The following PCDHA12 variants were observed in gnomAD, a reference collection of about 807,000 sequenced individuals.
PCDHA12 encodes protocadherin alpha-12.
A neutral mutation model predicts 60.0 loss-of-function variants in PCDHA12; 44 were observed. The observed-to-expected ratio is 0.73, with a 90% CI of 0.58 to 0.94. PCDHA12 has a LOEUF of 0.94. PCDHA12 is among the 40% of genes least tolerant of loss of function. PCDHA12 has a pLI of 0.00. For synonymous variants in PCDHA12, 569 were observed against 553.0 expected (o/e 1.03, Z -0.40); for missense variants, 1,276 against 1,239.7 (o/e 1.03, Z -0.44).
At chr5:140,978,907 G>A (rs782602741) in intron 1 of PCDHA12, 42 bp from the exon 2 acceptor site, 3 of 1,613,766 alleles carry the variant, frequency 1.9e-6, no homozygotes, top group South Asian at 2.2e-5. Context: ...GGAGAACATT[G>A]TCTTGTCATT....
At chr5:140,982,602 G>A (rs1554244640) in intron 3 of PCDHA12, 39 bp downstream of exon 3, 2 of 1,607,914 alleles carry the variant, frequency 1.2e-6, no homozygotes, top group African/African-American at 2.7e-5. Context: ...CTTGGTTTCT[G>A]GAAAGTGATC....
At chr5:140,966,414 G>A (rs1310333281) in intron 1 of PCDHA12, 5 of 420,334 alleles carry the variant, frequency 1.2e-5, no homozygotes, top group African/African-American at 2.1e-5. Context: ...AATCAGAGCA[G>A]GACTTGCTGA....
At chr5:140,878,389 T>A (rs528504145) in intron 1 of PCDHA12, among the ~76,000 whole-genome samples, 1 of 152,360 alleles carries the variant, frequency 6.6e-6, no homozygotes, top group East Asian at 1.9e-4. Flanking sequence ...ATTTTCTTCA[T>A]TGCTCACAAA....
intron 1 of PCDHA12, chr5:140,969,388 A>G: frequency 6.3e-7 from 1 of 1,595,066 alleles, no homozygotes; most frequent in Non-Finnish European, 8.5e-7. Flanking sequence ...CACATCCCCC[A>G]ATATCCTGTG....
intron 1 of PCDHA12, among the ~76,000 whole-genome samples, chr5:140,891,452 T>C (rs1554184844): frequency 6.7e-6 from 1 of 150,254 alleles, no homozygotes; most frequent in African/African-American, 2.4e-5. Flanking sequence ...ATAGGATTTT[T>C]GAATTTGTGA....
intron 1 of PCDHA12, among the ~76,000 whole-genome samples, chr5:140,891,795 A>T (rs2063252569): frequency 6.6e-6 from 1 of 152,178 alleles, no homozygotes; most frequent in South Asian, 2.1e-4. Flanking sequence ...ATTATGAGGG[A>T]TCTGCCCTCA....
chr5:140,914,801 A>G (rs976508278), intron 1 of PCDHA12, among the ~76,000 whole-genome samples: 2 of 152,164 alleles, frequency 1.3e-5, no homozygotes, highest in African/African-American at 4.8e-5. Context: ...TTTTAAACTG[A>G]TGGCAACTTA....
At chr5:140,945,955 A>C (rs1174972799) in intron 1 of PCDHA12, among the ~76,000 whole-genome samples, 2 of 152,136 alleles carry the variant, frequency 1.3e-5, no homozygotes, top group African/African-American at 4.8e-5. Context: ...TGACCCTGAA[A>C]GCACAGGCAA....
intron 1 of PCDHA12, chr5:140,926,870 G>A: frequency 6.6e-7 from 1 of 1,524,514 alleles, no homozygotes; most frequent in South Asian, 1.3e-5. Context: ...CGTGTTGGTG[G>A]AACGTGGACG....
At chr5:140,884,622 G>A (rs781857198) in intron 1 of PCDHA12, 1 of 1,613,948 alleles carries the variant, frequency 6.2e-7, no homozygotes, top group Non-Finnish European at 8.5e-7. Context: ...TCTGCAGAGG[G>A]AACAGGCCAG....
intron 1 of PCDHA12, among the ~76,000 whole-genome samples, chr5:140,943,553 CAAT>C (rs1554215748): frequency 6.6e-6 from 1 of 152,026 alleles, no homozygotes; most frequent in East Asian, 1.9e-4. Context: ...TAGACGTAGA[CAAT>C]AATCATTTTA....
intron 3 of PCDHA12, 116 bp downstream of exon 3, chr5:140,982,679 C>T: frequency 7.0e-7 from 1 of 1,436,546 alleles, no homozygotes; most frequent in Non-Finnish European, 9.2e-7. Flanking sequence ...TTGTTATTCC[C>T]TTTTTTCCAT....
chr5:140,944,316 T>G (rs140163712), intron 1 of PCDHA12, among the ~76,000 whole-genome samples: 1 of 151,958 alleles, frequency 6.6e-6, no homozygotes, highest in Non-Finnish European at 1.5e-5. Context: ...GCCTCCTGAG[T>G]AGCTGGGATT....
At chr5:140,898,543 A>G (rs1284006764) in intron 1 of PCDHA12, among the ~76,000 whole-genome samples, 2 of 152,224 alleles carry the variant, frequency 1.3e-5, no homozygotes, top group East Asian at 3.9e-4. Flanking sequence ...TGTTCCATTT[A>G]TCTATGTCTC....
chr5:140,894,956 A>T (rs2064745767), intron 1 of PCDHA12, among the ~76,000 whole-genome samples: 1 of 152,208 alleles, frequency 6.6e-6, no homozygotes, highest in South Asian at 2.1e-4. Context: ...AATGATAAAA[A>T]TATAATTTTT....
At chr5:140,960,064 T>G (rs1352718360) in intron 1 of PCDHA12, among the ~76,000 whole-genome samples, 1 of 152,208 alleles carries the variant, frequency 6.6e-6, no homozygotes, top group Admixed American at 6.5e-5. Flanking sequence ...TACAGAAGAT[T>G]CAATTGAAGT....
chr5:140,948,542 C>A (rs141026678), intron 1 of PCDHA12, among the ~76,000 whole-genome samples: 66 of 151,648 alleles, frequency 4.4e-4, no homozygotes, highest in African/African-American at 1.5e-3. Flanking sequence ...ATTTCATGCT[C>A]TGTCAATTTT....
At chr5:140,896,541 T>C (rs2065612579) in intron 1 of PCDHA12, among the ~76,000 whole-genome samples, 1 of 151,728 alleles carries the variant, frequency 6.6e-6, no homozygotes, top group South Asian at 2.1e-4. Flanking sequence ...TTTTTCTTTT[T>C]TTTTTTTGTA....
intron 1 of PCDHA12, among the ~76,000 whole-genome samples, chr5:140,943,274 A>G (rs1179008027): frequency 6.4e-5 from 9 of 141,284 alleles, no homozygotes; most frequent in Non-Finnish European, 1.0e-4. Flanking sequence ...AAAAAAAAAA[A>G]AAAGAAAGAA....
Sources: allele counts gnomAD v4.1 joint callset (sites outside exome capture counted in the v4.1 genomes callset), GRCh38; gene constraint gnomAD v4.1.1; transcripts MANE v1.5; gene names NCBI Gene and HGNC (gene_info 2026-07-23, HGNC 2026-07-21).